Variants in TPST2 observed in about 807,000 individuals in gnomAD.
The protein encoded by TPST2 is tyrosylprotein sulfotransferase 2.
In TPST2, 16 loss-of-function variants were observed where a neutral mutation model predicts 27.8. That is an observed-to-expected ratio of 0.58 (90% CI 0.39 to 0.88). The LOEUF (loss-of-function observed/expected upper bound fraction) is 0.88, where lower values mean the gene tolerates loss of function less well. Among genes scored for constraint, TPST2 ranks in the 40% least tolerant of loss-of-function variants. The pLI, the probability that TPST2 is intolerant of heterozygous loss-of-function variation, is 0.00. For missense variants in TPST2, 464 were observed against 543.1 expected (o/e 0.85, Z 1.45); for synonymous variants, 229 against 231.7 (o/e 0.99, Z 0.10).
At position 26,580,395 on chromosome 22, in the gene TPST2, G is replaced by A. The variant is rs563044232; in HGVS notation, c.-161+9658C>T. On this transcript the variant is annotated intron_variant, in intron 1 of 6. Transcript: ENST00000338754. ...AGCTACACAGCCATCCCGCCCTTCA[G>A]TCAAGGCCCCTGGGTATCCAGGGAA... is the stretch of plus-strand genomic sequence containing the variant. 3.6e-3 allele frequency among the ~76,000 whole-genome samples: 555 copies of A among 152,266 alleles called. 1 individual carries two copies. The highest frequency in any genetic ancestry group is 6.2e-3 in the Non-Finnish European group (422 of 68,026).
chr22:26,582,946 G>A (rs1480772112), intron 1 of TPST2, among the ~76,000 whole-genome samples: 1 of 151,960 alleles, frequency 6.6e-6, no homozygotes, highest in African/African-American at 2.4e-5. Context: ...AGCGCCCAGA[G>A]ACAGGAACTC....
intron 1 of TPST2, among the ~76,000 whole-genome samples, chr22:26,557,164 C>T (rs186025339): frequency 5.9e-5 from 9 of 152,336 alleles, no homozygotes; most frequent in African/African-American, 1.7e-4. Context: ...AGTGTGAAGG[C>T]CAACAGGGAC....
At chr22:26,582,916 G>A (rs1205326867) in intron 1 of TPST2, among the ~76,000 whole-genome samples, 1 of 152,036 alleles carries the variant, frequency 6.6e-6, no homozygotes, top group Non-Finnish European at 1.5e-5. Context: ...CCTGTACCAG[G>A]TAAGGTGGCA....
intron 1 of TPST2, among the ~76,000 whole-genome samples, chr22:26,579,343 C>CCAAACCAAAT (rs1927994876): frequency 6.6e-6 from 1 of 152,198 alleles, no homozygotes; most frequent in Admixed American, 6.5e-5. Flanking sequence ...CCCCAGTACC[C>CCAAACCAAAT]CAAACCAAAT....
chr22:26,589,088 A>G (rs1928452248), intron 1 of TPST2, among the ~76,000 whole-genome samples: 1 of 152,164 alleles, frequency 6.6e-6, no homozygotes, highest in Admixed American at 6.5e-5. Flanking sequence ...AACATCCCCA[A>G]GGACATTAAG....
chr22:26,577,218 T>A (rs1217004879), intron 1 of TPST2, among the ~76,000 whole-genome samples: 1 of 148,100 alleles, frequency 6.8e-6, no homozygotes, highest in East Asian at 2.0e-4. Context: ...CAAGCTATGA[T>A]CATGCCACCG....
chr22:26,574,346 T>C (rs866349833), intron 1 of TPST2, among the ~76,000 whole-genome samples: 9 of 152,168 alleles, frequency 5.9e-5, no homozygotes, highest in Non-Finnish European at 8.8e-5. Flanking sequence ...ATGAGGAAAC[T>C]GAGGACCAGA....
At chr22:26,571,432 T>A (rs1927620705) in intron 1 of TPST2, among the ~76,000 whole-genome samples, 1 of 152,206 alleles carries the variant, frequency 6.6e-6, no homozygotes, top group African/African-American at 2.4e-5. Flanking sequence ...TGCGTGATTT[T>A]TTTTTTCCCC....
In TPST2 at chr22:26,577,281, A is replaced by G. The variant is rs1171841477; in HGVS notation, c.-161+12772T>C. On this transcript the variant is annotated intron_variant, in intron 1 of 6. Transcript: ENST00000338754. ...CCCTGTCTTTAAAAAAAAAAAAAAA[A>G]AAAGTGAACATGCATATAGTGCTTA... Among the ~76,000 whole-genome samples, 11 of 151,094 alleles carry G rather than the reference A, an allele frequency of 7.3e-5. No homozygotes were observed. The East Asian group carries it at 2.1e-3, about 29-fold the overall frequency.
chr22:26,537,799 T>C (rs17318485), intron 3 of TPST2, among the ~76,000 whole-genome samples: 8,701 of 152,170 alleles, frequency 0.057, 304 homozygotes, highest in East Asian at 0.092. Flanking sequence ...CTCTCTCCTG[T>C]GCACACGCTC....
At chr22:26,533,291 C>T (rs945429631) in intron 4 of TPST2, among the ~76,000 whole-genome samples, 5 of 152,246 alleles carry the variant, frequency 3.3e-5, no homozygotes, top group South Asian at 2.1e-4. Flanking sequence ...ATGCACTTAT[C>T]GTCCCAGCTG....
intron 1 of TPST2, among the ~76,000 whole-genome samples, chr22:26,548,270 A>T (rs1926234403): frequency 6.8e-6 from 1 of 146,986 alleles, no homozygotes; most frequent in Non-Finnish European, 1.5e-5. Context: ...TAAGCTTGGG[A>T]GTTCAAGACC....
intron 1 of TPST2, among the ~76,000 whole-genome samples, chr22:26,583,250 C>G (rs1297322400): frequency 1.3e-5 from 2 of 150,646 alleles, no homozygotes; most frequent in South Asian, 2.1e-4. Flanking sequence ...GCCTGGCCAA[C>G]AGGGTGAAAC....
chr22:26,540,890 G>A lies in TPST2; in HGVS notation c.741C>T (p.Arg247=). The change falls in exon 3 of 7, where the codon CGC becomes CGT. Residue 247 remains arginine (R), a synonymous_variant. Transcript: ENST00000338754. ...YYEQLVLHPR[R]SLKLILDFLG... ...GGAAGTCGAGGATGAGCTTGAGTGA[G>A]CGCCTGGGGTGCAGCACCAGCTGCT... The A allele has an allele frequency of 3.7e-6, 6 of 1,614,176 alleles. No individual in the cohort carries two copies. In the South Asian group the frequency reaches 5.5e-5, roughly 15 times the overall value.
chr22:26,561,915 C>T (rs771205035), intron 1 of TPST2, among the ~76,000 whole-genome samples: 10 of 152,196 alleles, frequency 6.6e-5, no homozygotes, highest in Non-Finnish European at 1.0e-4. Context: ...GGTCCTTCCT[C>T]GCAGGCTCCA....
At chr22:26,538,259 G>GAAC (rs1925591069) in intron 3 of TPST2, among the ~76,000 whole-genome samples, 1 of 152,222 alleles carries the variant, frequency 6.6e-6, no homozygotes, top group Admixed American at 6.5e-5. Flanking sequence ...CTGGTGGGTA[G>GAAC]AACACAGATT....
At chr22:26,586,228 C>T (rs1928344545) in intron 1 of TPST2, among the ~76,000 whole-genome samples, 1 of 151,884 alleles carries the variant, frequency 6.6e-6, no homozygotes, top group African/African-American at 2.4e-5. Context: ...AGGCTGCTTT[C>T]TTTCTTTCTT....
chr22:26,526,944 A>G (rs1302283412), intron 6 of TPST2, among the ~76,000 whole-genome samples: 1 of 152,046 alleles, frequency 6.6e-6, no homozygotes, highest in African/African-American at 2.4e-5. Context: ...TGGGTGTGGT[A>G]GCGCACACTT....
At chr22:26,537,175 C>G (rs1359713668) in intron 3 of TPST2, among the ~76,000 whole-genome samples, 1 of 152,238 alleles carries the variant, frequency 6.6e-6, no homozygotes, top group Non-Finnish European at 1.5e-5. Context: ...GCCAGCCCAT[C>G]GGCTTCCTAC....
Sources: gnomAD v4.1 joint callset for allele counts (sites outside exome capture counted in the v4.1 genomes callset) on GRCh38, gnomAD v4.1.1 for gene constraint, MANE v1.5 for transcripts, NCBI Gene and HGNC (gene_info 2026-07-23, HGNC 2026-07-21) for gene names.